Variants in SGCD observed in about 807,000 individuals in gnomAD.
SGCD encodes the protein sarcoglycan delta.
Under a neutral mutation model 36.6 loss-of-function variants are expected in SGCD, and 18 were observed. The ratio of observed to expected loss-of-function variants is 0.49; its 90% CI spans 0.34 to 0.73. SGCD has a LOEUF of 0.73. SGCD is among the 30% of genes least tolerant of loss of function. The pLI is 0.01. For synonymous variants in SGCD, 133 were observed against 130.6 expected (o/e 1.02, Z -0.12); for missense variants, 387 against 346.7 (o/e 1.12, Z -0.92).
At chr5:156,308,897 T>C (rs747802793) in intron 3 of SGCD, among the ~76,000 whole-genome samples, 1 of 152,232 alleles carries the variant, frequency 6.6e-6, no homozygotes, top group Non-Finnish European at 1.5e-5. Flanking sequence ...TAATTTTTTT[T>C]CTCACTTTTA....
intron 3 of SGCD, among the ~76,000 whole-genome samples, chr5:156,319,875 A>C (rs1561617695): frequency 6.6e-6 from 1 of 152,242 alleles, no homozygotes; most frequent in Non-Finnish European, 1.5e-5. Context: ...AATTATATAA[A>C]GTTATTTTCT....
At chr5:156,622,540 AT>A (rs34691909) in intron 6 of SGCD, among the ~76,000 whole-genome samples, 39,470 of 148,616 alleles carry the variant, frequency 0.27, 5,291 homozygotes, top group East Asian at 0.31. Context: ...ACAAAGACAG[AT>A]TTTTTTTTTG....
upstream of SGCD, among the ~76,000 whole-genome samples, chr5:156,322,786 G>A (rs770426712): frequency 6.6e-6 from 1 of 152,226 alleles, no homozygotes; most frequent in East Asian, 1.9e-4. Flanking sequence ...AGCAGATGAG[G>A]CTAAAGAAGT....
chr5:155,820,516 A>C, the SGCD span, among the ~76,000 whole-genome samples: 3 of 152,006 alleles, frequency 2.0e-5, no homozygotes, highest in African/African-American at 7.2e-5. Context: ...AAAAATAAAT[A>C]AATGAATAAA....
intron 3 of SGCD, among the ~76,000 whole-genome samples, chr5:156,427,601 C>T (rs1231577178): frequency 2.0e-5 from 3 of 151,944 alleles, no homozygotes; most frequent in African/African-American, 4.8e-5. Context: ...ATGTGGGCAT[C>T]CTTGTGTTGT....
chr5:156,068,280 AC>A (rs1282162711), intron 1 of SGCD, among the ~76,000 whole-genome samples: 2 of 136,790 alleles, frequency 1.5e-5, no homozygotes, highest in Non-Finnish European at 3.1e-5. Flanking sequence ...CCCTTTCCCC[AC>A]CCCACAACAG....
intron 7 of SGCD, among the ~76,000 whole-genome samples, chr5:156,686,277 GT>G (rs1389734542): frequency 6.6e-6 from 1 of 152,122 alleles, no homozygotes; most frequent in Non-Finnish European, 1.5e-5. Context: ...TCGAATTCAG[GT>G]TTGCATAAAT....
chr5:156,351,814 G>A (rs1445023019), intron 3 of SGCD, among the ~76,000 whole-genome samples: 1 of 152,094 alleles, frequency 6.6e-6, no homozygotes, highest in Non-Finnish European at 1.5e-5. Context: ...TCAGAGTAGA[G>A]ATTCGAACCC....
At chr5:155,777,500 G>A in the SGCD span, among the ~76,000 whole-genome samples, 2 of 151,966 alleles carry the variant, frequency 1.3e-5, no homozygotes, top group Middle Eastern at 3.2e-3. Flanking sequence ...GGGGTTATAG[G>A]CACATGCCAC....
chr5:156,202,451 G>A (rs1315797198), intron 3 of SGCD, among the ~76,000 whole-genome samples: 2 of 152,144 alleles, frequency 1.3e-5, no homozygotes, highest in East Asian at 3.9e-4. Context: ...AGAGGTGTTA[G>A]GCTAATGATA....
intron 4 of SGCD, among the ~76,000 whole-genome samples, chr5:156,532,352 T>G (rs1581126632): frequency 1.3e-5 from 2 of 152,230 alleles, no homozygotes; most frequent in East Asian, 3.9e-4. Flanking sequence ...CAACCTATTG[T>G]GATTGCTCAT....
intron 6 of SGCD, among the ~76,000 whole-genome samples, chr5:156,613,443 C>G (rs188253713): frequency 3.9e-5 from 6 of 152,316 alleles, no homozygotes; most frequent in Non-Finnish European, 8.8e-5. Flanking sequence ...ATTACACAGC[C>G]CTTTTCACAC....
chr5:155,936,362 A>C (rs1465569873), intron 1 of SGCD, among the ~76,000 whole-genome samples: 1 of 152,072 alleles, frequency 6.6e-6, no homozygotes, highest in Non-Finnish European at 1.5e-5. Context: ...CGACCCTGGG[A>C]TGGATAGCTC....
At chr5:156,113,065 G>T (rs1305794582) in intron 1 of SGCD, among the ~76,000 whole-genome samples, 1 of 151,674 alleles carries the variant, frequency 6.6e-6, no homozygotes, top group Non-Finnish European at 1.5e-5. Flanking sequence ...GCAAATAAAA[G>T]AAAACTGTTT....
At position 156,446,968 on chromosome 5, in the gene SGCD, T is replaced by C. The variant is rs1013800001; in HGVS notation, c.193-61633T>C. Among the ~76,000 whole-genome samples the C allele has an allele frequency of 4.6e-5, 7 of 152,254 alleles. No homozygotes were observed. The East Asian group carries it at 1.3e-3, about 29-fold the overall frequency. ...CATCAAATAGTGGCAAACCTAGAGC[T>C]TTAGCCCAGGTTTCTGCAAGCATCA... is the stretch of plus-strand genomic sequence containing the variant. On this transcript the variant is annotated intron_variant, in intron 3 of 8. Coordinates refer to ENST00000337851, the MANE Select transcript of SGCD (RefSeq NM_000337.6).
the SGCD span, among the ~76,000 whole-genome samples, chr5:155,843,975 G>C: frequency 6.6e-6 from 1 of 152,156 alleles, no homozygotes; most frequent in Non-Finnish European, 1.5e-5. Flanking sequence ...ATATCCAAAA[G>C]ATCTGGATTA....
intron 4 of SGCD, among the ~76,000 whole-genome samples, chr5:156,574,373 A>G (rs1429575461): frequency 6.6e-6 from 1 of 152,202 alleles, no homozygotes; most frequent in Admixed American, 6.5e-5. Flanking sequence ...ATGATGCTAA[A>G]TTCCTTATAC....
intron 1 of SGCD, among the ~76,000 whole-genome samples, chr5:155,891,558 C>CTTTTTTT (rs372399423): frequency 0.082 from 4,944 of 60,496 alleles, 527 homozygotes; most frequent in Middle Eastern, 0.14. Flanking sequence ...AATAAATACT[C>CTTTTTTT]TTTTTTTTTT....
chr5:156,318,248 C>T (rs1480770993), intron 3 of SGCD, among the ~76,000 whole-genome samples: 1 of 152,078 alleles, frequency 6.6e-6, no homozygotes, highest in African/African-American at 2.4e-5. Flanking sequence ...AAGATCTATG[C>T]AACAAGAAGG....
Sources: allele counts gnomAD v4.1 joint callset (sites outside exome capture counted in the v4.1 genomes callset), GRCh38; gene constraint gnomAD v4.1.1; transcripts MANE v1.5; gene names NCBI Gene and HGNC (gene_info 2026-07-23, HGNC 2026-07-21).